The following KBTBD11 variants were observed in gnomAD, a reference collection of about 807,000 sequenced individuals.
The protein encoded by KBTBD11 is kelch repeat and BTB domain containing 11.
For synonymous variants in KBTBD11, 747 were observed against 499.0 expected (o/e 1.50, Z -6.63); for missense variants, 1,390 against 1,001.8 (o/e 1.39, Z -5.23).
Position 2,002,515 on chromosome 8 carries a change from G to A in KBTBD11, c.1323G>A (p.Leu441=), listed in dbSNP as rs779926112. 19 of 1,522,372 alleles carry A rather than the reference G, an allele frequency of 1.2e-5. No individual in the cohort carries two copies. Among genetic ancestry groups the A allele is most frequent in the Non-Finnish European group, 1.7e-5 (19 of 1,145,434 alleles). The allele number at this position is 1,522,372 out of a possible 1,614,324, so 94.3% of individuals were successfully genotyped here. The change falls in exon 2 of 2, where the codon CTG becomes CTA. Residue 441 remains leucine (L), a synonymous_variant. Transcript: ENST00000320248. The surrounding 1 kb of genome is among the most constrained non-coding windows in gnomAD (Gnocchi z 4.1). ...RADRWAPVAP[L]PRGAFAVAHE... ...ACCGCTGGGCCCCCGTGGCGCCGCT[G>A]CCCCGGGGCGCCTTCGCCGTGGCGC...
At chr8:1,995,623 G>A (rs764455129) in intron 1 of KBTBD11, among the ~76,000 whole-genome samples, 1 of 152,152 alleles carries the variant, frequency 6.6e-6, no homozygotes, top group African/African-American at 2.4e-5. Context: ...CCTCGGTCCT[G>A]CCTGCCCAGA....
chr8:1,989,852 C>A (rs530822023), intron 1 of KBTBD11, among the ~76,000 whole-genome samples: 16 of 151,238 alleles, frequency 1.1e-4, no homozygotes, highest in African/African-American at 3.9e-4. Context: ...AAACTTGTGA[C>A]CAGCAGGGGT....
intron 1 of KBTBD11, among the ~76,000 whole-genome samples, chr8:1,980,006 C>G (rs1302154166): frequency 1.3e-5 from 2 of 152,194 alleles, no homozygotes; most frequent in Non-Finnish European, 2.9e-5. Context: ...TGTGCTGAAT[C>G]TTTTCCCTGT....
At chr8:1,976,887 A>C (rs1816364931) in intron 1 of KBTBD11, among the ~76,000 whole-genome samples, 1 of 152,138 alleles carries the variant, frequency 6.6e-6, no homozygotes, top group African/African-American at 2.4e-5. Context: ...TAGAGCACGG[A>C]GAGGTCAGTG....
intron 1 of KBTBD11, among the ~76,000 whole-genome samples, chr8:1,983,066 T>A (rs1195850981): frequency 6.6e-6 from 1 of 152,164 alleles, no homozygotes. Flanking sequence ...ATGTTGACTG[T>A]ACCCAGTCCC....
chr8:1,986,726 G>A (rs1216359438), intron 1 of KBTBD11, among the ~76,000 whole-genome samples: 2 of 152,066 alleles, frequency 1.3e-5, no homozygotes, highest in Non-Finnish European at 2.9e-5. Context: ...ATAAATAATG[G>A]TAGTTGTTTA....
intron 1 of KBTBD11, among the ~76,000 whole-genome samples, chr8:1,985,498 A>G (rs1816681020): frequency 6.6e-6 from 1 of 152,254 alleles, no homozygotes; most frequent in Non-Finnish European, 1.5e-5. Context: ...CAAGCCACAC[A>G]CGGCAGCCTG....
At chr8:1,992,754 C>A (rs539282105) in intron 1 of KBTBD11, among the ~76,000 whole-genome samples, 5 of 151,968 alleles carry the variant, frequency 3.3e-5, no homozygotes, top group Non-Finnish European at 7.4e-5. Context: ...AATATTGAAA[C>A]TCAGCATTTT....
At chr8:1,974,700 G>T (rs1449727288) in intron 1 of KBTBD11, 1 of 985,358 alleles carries the variant, frequency 1.0e-6, no homozygotes, top group African/African-American at 1.7e-5. Context: ...GTCTGGGCGG[G>T]ATTCCGCAGG....
In KBTBD11 at chr8:2,002,157, G is replaced by A; in HGVS notation, c.965G>A (p.Arg322His). 1.7e-6 allele frequency: 2 copies of A among 1,190,980 alleles called. No individual in the cohort carries two copies. Among genetic ancestry groups the A allele is most frequent in the East Asian group, 3.8e-5 (1 of 26,328 alleles). The allele number at this position is 1,190,980 out of a possible 1,614,324, so 73.8% of individuals were successfully genotyped here. Residue 322 changes from arginine (R) to histidine (H), a missense_variant, in exon 2 of 2, where the codon CGC (arginine) becomes CAC (histidine). By Grantham distance (29) the Arg-to-His change is conservative. Transcript: ENST00000320248. The surrounding 1 kb of genome is among the most constrained non-coding windows in gnomAD (Gnocchi z 4.1). ...PQSPSGDADA[R>H]GDAAVYCFHA... The stretch of plus-strand genomic sequence containing the variant: ...AGCCCCTCGGGGGACGCGGACGCGC[G>A]CGGGGACGCGGCCGTCTACTGCTTC...
chr8:2,002,151 ACG>A lies in KBTBD11; in HGVS notation c.966_967del (p.Asp324ArgfsTer127). 2 of 1,180,622 alleles carry A rather than the reference ACG, an allele frequency of 1.7e-6. No individual in the cohort carries two copies. The highest frequency in any genetic ancestry group is 2.1e-6 in the Non-Finnish European group (2 of 958,300). The allele number at this position is 1,180,622 out of a possible 1,614,324, so 73.1% of individuals were successfully genotyped here. On this transcript the variant is annotated frameshift_variant, in exon 2 of 2. Coordinates refer to ENST00000320248, the MANE Select transcript of KBTBD11 (RefSeq NM_014867.3). LOFTEE classifies it low-confidence loss of function (END_TRUNC). The surrounding 1 kb of genome is among the most constrained non-coding windows in gnomAD (Gnocchi z 4.1). ...CCTCAGAGCCCCTCGGGGGACGCGG[ACG>A]CGCGCGGGGACGCGGCCGTCTACTG... is the stretch of plus-strand genomic sequence containing the variant.
intron 1 of KBTBD11, among the ~76,000 whole-genome samples, chr8:1,985,195 G>A (rs1316534104): frequency 6.6e-6 from 1 of 152,248 alleles, no homozygotes; most frequent in African/African-American, 2.4e-5. Flanking sequence ...CCCGGCAGGA[G>A]AAGGCAGAGC....
intron 1 of KBTBD11, among the ~76,000 whole-genome samples, chr8:1,977,181 A>T (rs375335303): frequency 3.7e-4 from 57 of 152,106 alleles, no homozygotes; most frequent in African/African-American, 1.4e-3. Context: ...AAGCCAAAAG[A>T]TTGGAGACCC....
At position 2,003,001 on chromosome 8, in the gene KBTBD11, G is replaced by A. The variant is rs1454790983; in HGVS notation, c.1809G>A (p.Val603=). 2.2e-5 allele frequency: 29 copies of A among 1,302,276 alleles called. No homozygotes were observed. The highest frequency in any genetic ancestry group is 2.8e-5 in the Non-Finnish European group (29 of 1,025,980). The allele number at this position is 1,302,276 out of a possible 1,614,324, so 80.7% of individuals were successfully genotyped here. ...ALGAPLDVRG[V]LIPFALSLPE... ...GCGCCCCCTTGGACGTCCGGGGTGT[G>A]CTCATCCCGTTCGCTCTCAGCCTGC... The change falls in exon 2 of 2, where the codon GTG becomes GTA. Residue 603 remains valine (V), a synonymous_variant. Transcript: ENST00000320248.
In KBTBD11 at chr8:2,001,093, A is replaced by T. The variant is rs1817326018; in HGVS notation, c.-100A>T. ...GTGAAATCTGATCGCGTGCCAGGAAAAGCTGTGAGGCTGGAAACCCCGGAG... is the reference window on the plus strand; with the variant it reads ...GTGAAATCTGATCGCGTGCCAGGAATAGCTGTGAGGCTGGAAACCCCGGAG... On this transcript the variant is annotated 5_prime_UTR_variant, in exon 2 of 2. Transcript: ENST00000320248. The T allele has an allele frequency of 8.0e-7, 1 of 1,256,000 alleles. No homozygotes were observed. The highest frequency in any genetic ancestry group is 1.6e-5 in the African/African-American group (1 of 64,360). The allele number at this position is 1,256,000 out of a possible 1,614,324, so 77.8% of individuals were successfully genotyped here.
intron 1 of KBTBD11, among the ~76,000 whole-genome samples, chr8:1,989,680 C>T (rs1816836672): frequency 1.3e-5 from 2 of 152,226 alleles, no homozygotes; most frequent in Non-Finnish European, 2.9e-5. Flanking sequence ...CGCATCGCCT[C>T]CCCGAAGAGC....
rs1226680807 is a variant in KBTBD11 at position 2,003,468 on chromosome 8, C to T, written c.*404C>T. 2 of 188,486 alleles carry T rather than the reference C, an allele frequency of 1.1e-5. No homozygotes were observed. Among genetic ancestry groups the T allele is most frequent in the East Asian group, 1.5e-4 (1 of 6,656 alleles). 11.7% of individuals were successfully genotyped at this position (188,486 alleles called of 1,614,324 possible). ...CCTCAAGTAGGTCGCCGCGAACTAT[C>T]GGGGGAAGCACGCAGAGAGGGTCAC... On this transcript the variant is annotated 3_prime_UTR_variant, in exon 2 of 2. Transcript: ENST00000320248.
Position 2,001,161 on chromosome 8 carries a change from G to T in KBTBD11, c.-32G>T. On this transcript the variant is annotated 5_prime_UTR_variant, in exon 2 of 2. Transcript: ENST00000320248. Reference sequence around the variant, plus strand: ...CAGACCTGCAGGCTGCGGAACCGGGGGCGCGCGGGCGCAGCGCAGCACAGC... The same window carrying T: ...CAGACCTGCAGGCTGCGGAACCGGGTGCGCGCGGGCGCAGCGCAGCACAGC... 1 of 1,296,004 alleles carries T rather than the reference G, an allele frequency of 7.7e-7. No individual in the cohort carries two copies. Among genetic ancestry groups the T allele is most frequent in the Non-Finnish European group, 9.8e-7 (1 of 1,022,772 alleles). 80.3% of individuals were successfully genotyped at this position (1,296,004 alleles called of 1,614,324 possible). A position where few individuals can be genotyped will look rare whatever the true frequency, so the allele number is the denominator to read the frequency against.
intron 1 of KBTBD11, among the ~76,000 whole-genome samples, chr8:1,983,708 A>G (rs1816616099): frequency 6.6e-6 from 1 of 152,226 alleles, no homozygotes. Flanking sequence ...TGCAAATAAG[A>G]CCATGAATGT....
Sources: gnomAD v4.1 joint callset for allele counts (sites outside exome capture counted in the v4.1 genomes callset) on GRCh38, gnomAD v4.1.1 for gene constraint, Gnocchi (gnomAD v3.1) non-coding constraint, MANE v1.5 for transcripts, NCBI Gene and HGNC (gene_info 2026-07-23, HGNC 2026-07-21) for gene names.